The following SYT14 variants were observed in gnomAD, a reference collection of about 807,000 sequenced individuals.
SYT14 encodes synaptotagmin 14.
A neutral mutation model predicts 74.2 loss-of-function variants in SYT14; 32 were observed. The observed-to-expected ratio is 0.43, with a 90% CI of 0.33 to 0.58. The LOEUF is 0.58. Ranked by LOEUF, SYT14 falls within the 20% of genes least tolerant of loss-of-function variation. SYT14 has a pLI of 0.05. For missense variants in SYT14, 791 were observed against 981.8 expected, an observed-to-expected ratio of 0.81 and a Z score of 2.60; for synonymous variants, 298 against 337.7, an observed-to-expected ratio of 0.88 and a Z score of 1.29.
Position 210,098,740 on chromosome 1 carries a change from G to T in SYT14, c.1585-1272G>T, listed in dbSNP as rs993194001. ...CTGTCACTGAAGCTGGAGTCCACTG[G>T]CATGATCTTGGCTCACTGCGACCTC... On this transcript the variant is annotated intron_variant, in intron 6 of 9. Transcript: ENST00000637265. Among the ~76,000 whole-genome samples the T allele has an allele frequency of 2.6e-5, 4 of 151,986 alleles. No individual in the cohort carries two copies. In the East Asian group the frequency reaches 5.8e-4, roughly 22 times the overall value.
intron 5 of SYT14, among the ~76,000 whole-genome samples, chr1:210,044,591 A>T (rs1228445847): frequency 2.0e-5 from 3 of 152,302 alleles, no homozygotes; most frequent in Admixed American, 2.0e-4. Context: ...TAGTTTTGAT[A>T]TTAAAGCTAT....
intron 1 of SYT14, 49 bp downstream of exon 1, chr1:209,938,326 G>A: frequency 6.5e-7 from 1 of 1,531,788 alleles, no homozygotes; most frequent in Non-Finnish European, 8.8e-7. Flanking sequence ...CACCCAGCTG[G>A]CGGGGGGCTC....
At chr1:210,033,732 T>C (rs1388902037) in intron 5 of SYT14, among the ~76,000 whole-genome samples, 2 of 151,818 alleles carry the variant, frequency 1.3e-5, no homozygotes, top group African/African-American at 4.8e-5. Context: ...CTTTTTATAA[T>C]TTAACCAATC....
At chr1:210,097,666 A>C (rs568154653) in intron 6 of SYT14, among the ~76,000 whole-genome samples, 98 of 152,364 alleles carry the variant, frequency 6.4e-4, no homozygotes, top group Admixed American at 1.2e-3. Context: ...AAGCCATATA[A>C]TTAATAATCT....
At chr1:210,159,120 A>C (rs1409046312) in intron 8 of SYT14, among the ~76,000 whole-genome samples, 2 of 152,182 alleles carry the variant, frequency 1.3e-5, no homozygotes, top group Admixed American at 6.5e-5. Context: ...GTCTGATAAT[A>C]TGCATGATTC....
intron 5 of SYT14, among the ~76,000 whole-genome samples, chr1:210,068,069 C>G (rs2081329074): frequency 6.6e-6 from 1 of 151,828 alleles, no homozygotes; most frequent in Admixed American, 6.6e-5. Flanking sequence ...GATGTTTGCT[C>G]TGGTTATTTG....
At chr1:210,026,071 T>C (rs866090537) in intron 5 of SYT14, among the ~76,000 whole-genome samples, 2 of 152,150 alleles carry the variant, frequency 1.3e-5, no homozygotes, top group South Asian at 4.2e-4. Flanking sequence ...TTTTCTCCTC[T>C]AGGTGGCCAT....
rs200106174 is a variant in SYT14 at position 210,103,568 on chromosome 1, AG to A, written c.2034+3108del. Among the ~76,000 whole-genome samples, 273 of 148,576 alleles carry A rather than the reference AG, an allele frequency of 1.8e-3. 37 individuals carry two copies. Among genetic ancestry groups the A allele is most frequent in the Middle Eastern group, 3.5e-3 (1 of 284 alleles). ...CTGTCTCAAAAAAAAAAAAAAAAAA[AG>A]AGTTTAACATTAAGATATAGTTTGA... On this transcript the variant is annotated intron_variant, in intron 7 of 9. Coordinates refer to ENST00000637265, the Ensembl canonical transcript of SYT14.
exon 10 of SYT14, chr1:210,170,740 G>A (rs190662874): frequency 9.9e-5 from 15 of 152,084 alleles, no homozygotes; most frequent in Non-Finnish European, 2.2e-4. Context: ...AATTACATAA[G>A]GAAATATCAA....
chr1:209,997,627 C>T (rs932965890), intron 2 of SYT14, among the ~76,000 whole-genome samples: 3 of 152,002 alleles, frequency 2.0e-5, no homozygotes, highest in Non-Finnish European at 4.4e-5. Flanking sequence ...TTCTAAATTT[C>T]GTATGGAACG....
intron 6 of SYT14, among the ~76,000 whole-genome samples, chr1:210,099,060 G>A (rs909905410): frequency 6.6e-6 from 1 of 152,134 alleles, no homozygotes; most frequent in Non-Finnish European, 1.5e-5. Context: ...AGTATTCACT[G>A]CCACTCAAAA....
intron 5 of SYT14, among the ~76,000 whole-genome samples, chr1:210,042,111 G>T (rs1482503104): frequency 2.0e-5 from 3 of 152,034 alleles, no homozygotes; most frequent in Non-Finnish European, 2.9e-5. Flanking sequence ...GAGAGGCAGG[G>T]GAAGGGCTGA....
intron 2 of SYT14, among the ~76,000 whole-genome samples, chr1:209,999,812 TAGAA>T (rs1488876582): frequency 2.0e-5 from 3 of 152,098 alleles, no homozygotes; most frequent in Admixed American, 2.0e-4. Context: ...CATAGTTAAA[TAGAA>T]GGAATAAGTT....
At chr1:210,015,062 A>G (rs2080156307) in intron 3 of SYT14, among the ~76,000 whole-genome samples, 1 of 142,524 alleles carries the variant, frequency 7.0e-6, no homozygotes. Flanking sequence ...TTACATGTTA[A>G]TATAAATATC....
intron 5 of SYT14, among the ~76,000 whole-genome samples, chr1:210,034,776 T>C (rs1483755237): frequency 6.6e-6 from 1 of 151,834 alleles, no homozygotes; most frequent in Non-Finnish European, 1.5e-5. Context: ...TGGCCTCCAG[T>C]TCCATCCATG....
intron 7 of SYT14, among the ~76,000 whole-genome samples, chr1:210,123,563 T>C (rs563390499): frequency 7.2e-5 from 11 of 152,280 alleles, no homozygotes; most frequent in Admixed American, 6.5e-4. Context: ...GGGCAGTAAA[T>C]AGCATAAGTT....
At chr1:209,940,352 A>G (rs1051071311) in intron 1 of SYT14, among the ~76,000 whole-genome samples, 3 of 150,514 alleles carry the variant, frequency 2.0e-5, no homozygotes, top group Non-Finnish European at 4.4e-5. Context: ...TCATTCACCT[A>G]TTAATTCAGT....
chr1:210,045,240 G>C (rs888345587), intron 5 of SYT14, among the ~76,000 whole-genome samples: 1 of 152,098 alleles, frequency 6.6e-6, no homozygotes, highest in African/African-American at 2.4e-5. Flanking sequence ...TTAATGCATT[G>C]TAAAACCTTG....
exon 4 of SYT14, chr1:210,016,127 T>C: frequency 1.6e-6 from 2 of 1,232,144 alleles, no homozygotes; most frequent in Non-Finnish European, 2.0e-6. Flanking sequence ...TTTAACTGAC[T>C]CAGTTGCTGA....
Sources: allele counts gnomAD v4.1 joint callset (sites outside exome capture counted in the v4.1 genomes callset), GRCh38; gene constraint gnomAD v4.1.1; transcripts MANE v1.5; gene names NCBI Gene and HGNC (gene_info 2026-07-23, HGNC 2026-07-21).